Variants in UGGT2 observed in about 807,000 individuals in gnomAD.
UGGT2 encodes UDP-glucose:glycoprotein glucosyltransferase 2.
UGGT2 carries 180 observed loss-of-function variants against 192.1 expected under a neutral mutation model. The observed-to-expected ratio is 0.94, with a 90% confidence interval of 0.83 to 1.06. UGGT2 has a LOEUF of 1.06. Ranked by LOEUF, UGGT2 falls within the 50% of genes least tolerant of loss-of-function variation. UGGT2 has a pLI of 0.00. For missense variants in UGGT2, 1,849 were observed against 1,795.7 expected, an observed-to-expected ratio of 1.03 and a Z score of -0.54; for synonymous variants, 580 against 591.0, an observed-to-expected ratio of 0.98 and a Z score of 0.27.
Position 95,832,994 on chromosome 13 carries a change from T to C in UGGT2, c.4461A>G (p.Glu1487=). 3 of 1,612,964 alleles carry C rather than the reference T, an allele frequency of 1.9e-6. No homozygotes were observed. Among genetic ancestry groups the C allele is most frequent in the Non-Finnish European group, 2.5e-6 (3 of 1,179,244 alleles). The change falls in exon 38 of 39, where the codon GAA becomes GAG. Residue 1487 remains glutamate, a synonymous_variant. Coordinates refer to ENST00000376747, the MANE Select transcript of UGGT2 (RefSeq NM_020121.4). ...KLKAAARIVP[E]WVEYDAEIRQ... is the part of the protein sequence containing the mutation. The stretch of plus-strand genomic sequence containing the variant: ...TTATCTCAGCATCATACTCCACCCA[T>C]TCTGGGACAATTCTGGCAGCAGCTT...
chr13:96,046,547 C>T (rs997795465), intron 1 of UGGT2, among the ~76,000 whole-genome samples: 3 of 152,286 alleles, frequency 2.0e-5, no homozygotes, highest in South Asian at 2.1e-4. Flanking sequence ...ATGAGCGATG[C>T]AGAAGAAAGG....
At chr13:96,008,668 T>C (rs1423886277) in intron 5 of UGGT2, among the ~76,000 whole-genome samples, 1 of 152,114 alleles carries the variant, frequency 6.6e-6, no homozygotes, top group Non-Finnish European at 1.5e-5. Context: ...CACAACTAAC[T>C]AGGGAGGTGA....
rs1005855002 is a variant in UGGT2 at position 95,837,082 on chromosome 13, T to C, written c.4401+4A>G. 6.3e-6 allele frequency: 10 copies of C among 1,591,566 alleles called. No individual in the cohort carries two copies. Among genetic ancestry groups the C allele is most frequent in the Non-Finnish European group, 8.6e-6 (10 of 1,159,660 alleles). On this transcript the variant is annotated splice_donor_region_variant and intron_variant, in intron 37 of 38. Coordinates refer to ENST00000376747, the MANE Select transcript of UGGT2 (RefSeq NM_020121.4). ...TACATACAAATGAAAACAAAGACAC[T>C]CACCAGATCAATTGTTTTGGCTCTT...
intron 1 of UGGT2, among the ~76,000 whole-genome samples, chr13:96,034,435 A>G (rs192771813): frequency 2.0e-5 from 3 of 152,310 alleles, no homozygotes; most frequent in East Asian, 3.9e-4. Context: ...AGTTGTCTAC[A>G]TGCCTCATTC....
intron 6 of UGGT2, 140 bp downstream of exon 6, chr13:95,999,071 T>C: frequency 1.9e-6 from 1 of 528,872 alleles, no homozygotes; most frequent in Admixed American, 3.3e-5. Flanking sequence ...AATTCCAAAT[T>C]TTAATGAAGA....
intron 20 of UGGT2, among the ~76,000 whole-genome samples, chr13:95,922,981 C>T (rs559838607): frequency 6.6e-6 from 1 of 152,098 alleles, no homozygotes; most frequent in African/African-American, 2.4e-5. Flanking sequence ...AATTAACAGC[C>T]ATTTGGAAAG....
intron 38 of UGGT2, among the ~76,000 whole-genome samples, chr13:95,812,172 A>G (rs1204917048): frequency 9.2e-5 from 14 of 152,236 alleles, no homozygotes; most frequent in Non-Finnish European, 4.4e-5. Context: ...ACATGAATGA[A>G]TGAGCAAATC....
chr13:95,895,178 A>G lies in UGGT2; in HGVS notation c.2759+2T>C, dbSNP rs2047912008. 1 of 1,578,192 alleles carries G rather than the reference A, an allele frequency of 6.3e-7. No homozygotes were observed. The highest frequency in any genetic ancestry group is 1.2e-5 in the South Asian group (1 of 84,030). ...AATTGCTCTTAGAACTTATATACTC[A>G]CTTATTTGCGTTGATTCCCATATTT... is the stretch of plus-strand genomic sequence containing the variant. On this transcript the variant is annotated splice_donor_variant, in intron 23 of 38. Coordinates refer to ENST00000376747, the MANE Select transcript of UGGT2 (RefSeq NM_020121.4). LOFTEE classifies it high-confidence loss of function.
chr13:95,890,472 C>G (rs1245405607), intron 25 of UGGT2, among the ~76,000 whole-genome samples: 2 of 152,124 alleles, frequency 1.3e-5, no homozygotes, highest in Non-Finnish European at 2.9e-5. Context: ...TGTGAAGTCT[C>G]CCTCTGTTCA....
intron 7 of UGGT2, chr13:95,995,297 CA>C (rs1252542989): frequency 6.6e-6 from 1 of 151,822 alleles, no homozygotes; most frequent in Non-Finnish European, 1.5e-5. Context: ...AATAGACTGC[CA>C]ATAGTTGACT....
intron 27 of UGGT2, among the ~76,000 whole-genome samples, chr13:95,881,021 A>G (rs1424239186): frequency 6.6e-6 from 1 of 152,150 alleles, no homozygotes; most frequent in Non-Finnish European, 1.5e-5. Flanking sequence ...AAAAATACAA[A>G]GAATCAGCCG....
At position 95,801,677 on chromosome 13, in the gene UGGT2, A is replaced by G. The variant is rs1884064268; in HGVS notation, c.*113T>C. 9.8e-7 allele frequency: 1 copy of G among 1,024,338 alleles called. No individual in the cohort carries two copies. Among genetic ancestry groups the G allele is most frequent in the Non-Finnish European group, 1.5e-6 (1 of 688,536 alleles). 63.5% of individuals were successfully genotyped at this position (1,024,338 alleles called of 1,614,324 possible). ...TTACAATTTTTTAAAATTAAAGAAT[A>G]TGTCACTGATCTTAACGAGACTTCC... On this transcript the variant is annotated 3_prime_UTR_variant, in exon 39 of 39. Coordinates refer to ENST00000376747, the MANE Select transcript of UGGT2 (RefSeq NM_020121.4).
At chr13:95,914,609 T>C (rs2048618867) in intron 20 of UGGT2, among the ~76,000 whole-genome samples, 1 of 84,256 alleles carries the variant, frequency 1.2e-5, no homozygotes, top group Non-Finnish European at 2.1e-5. Context: ...ACTCCATCTC[T>C]ACTAAAAAAA....
At chr13:96,000,876 CTTTG>C (rs1246269262) in intron 5 of UGGT2, among the ~76,000 whole-genome samples, 21 of 151,568 alleles carry the variant, frequency 1.4e-4, no homozygotes, top group African/African-American at 4.8e-4. Context: ...AAAAAAAAAT[CTTTG>C]TTTTTCTATT....
In UGGT2 at chr13:96,042,229, G is replaced by A. The variant is rs1409805838; in HGVS notation, c.159-10258C>T. Among the ~76,000 whole-genome samples, 5 of 152,262 alleles carry A rather than the reference G, an allele frequency of 3.3e-5. No homozygotes were observed. The East Asian group carries it at 5.8e-4, about 18-fold the overall frequency. On this transcript the variant is annotated intron_variant, in intron 1 of 38. Coordinates refer to ENST00000376747, the MANE Select transcript of UGGT2 (RefSeq NM_020121.4). ...TGCAGACAATTCCTAGTACCAGCCT[G>A]GAGCCTGTTAGACCTACTAGGTGGC...
At chr13:96,037,801 CCT>C (rs1329976977) in intron 1 of UGGT2, among the ~76,000 whole-genome samples, 1 of 152,192 alleles carries the variant, frequency 6.6e-6, no homozygotes, top group Non-Finnish European at 1.5e-5. Flanking sequence ...CTCTTCTCAA[CCT>C]CTTTGCTTTT....
chr13:95,921,207 G>A (rs1359517331), intron 20 of UGGT2, among the ~76,000 whole-genome samples: 1 of 152,046 alleles, frequency 6.6e-6, no homozygotes, highest in Admixed American at 6.6e-5. Flanking sequence ...TAGGGGGTGT[G>A]GGGAGGGAGA....
intron 37 of UGGT2, among the ~76,000 whole-genome samples, chr13:95,835,002 A>C (rs1312277049): frequency 2.6e-5 from 4 of 152,252 alleles, no homozygotes; most frequent in Non-Finnish European, 5.9e-5. Flanking sequence ...ATAAATTTTA[A>C]TACTATATTT....
intron 36 of UGGT2, among the ~76,000 whole-genome samples, chr13:95,845,514 A>G (rs556086778): frequency 1.3e-5 from 2 of 151,812 alleles, no homozygotes; most frequent in South Asian, 4.2e-4. Context: ...CAGCATCCCA[A>G]GGCAGAAGAA....
Sources: gnomAD v4.1 joint callset for allele counts (sites outside exome capture counted in the v4.1 genomes callset) on GRCh38, gnomAD v4.1.1 for gene constraint, MANE v1.5 for transcripts, NCBI Gene and HGNC (gene_info 2026-07-23, HGNC 2026-07-21) for gene names.